The following ANK3 variants were observed in gnomAD, a reference collection of about 807,000 sequenced individuals.
ANK3 encodes the protein ankyrin 3.
ANK3 carries 57 observed loss-of-function variants against 370.9 expected under a neutral mutation model. That is an observed-to-expected ratio of 0.15 (90% CI 0.12 to 0.19). The LOEUF (loss-of-function observed/expected upper bound fraction) is 0.19, where lower values mean the gene tolerates loss of function less well. ANK3 is among the 10% of genes least tolerant of loss of function. The pLI is 1.00. For synonymous variants in ANK3, 1,929 were observed against 1,946.3 expected (o/e 0.99, Z 0.23); for missense variants, 4,439 against 5,302.1 (o/e 0.84, Z 5.06).
intron 2 of ANK3, among the ~76,000 whole-genome samples, chr10:60,583,659 C>T (rs953006169): frequency 6.6e-6 from 1 of 151,940 alleles, no homozygotes; most frequent in Non-Finnish European, 1.5e-5. Context: ...TCTTGGCTCA[C>T]TGCAACCTCC....
At chr10:60,385,805 C>G (rs1360445328) in intron 1 of ANK3, among the ~76,000 whole-genome samples, 5 of 152,038 alleles carry the variant, frequency 3.3e-5, no homozygotes, top group African/African-American at 1.2e-4. Flanking sequence ...ATTAGGTCAC[C>G]TCAAATTTTT....
chr10:60,594,864 C>A (rs540042403), intron 2 of ANK3, among the ~76,000 whole-genome samples: 7 of 152,166 alleles, frequency 4.6e-5, no homozygotes, highest in African/African-American at 1.4e-4. Flanking sequence ...AATGCATGTT[C>A]TCTGGCTTCC....
chr10:60,310,963 CT>C (rs1200566809), intron 1 of ANK3, among the ~76,000 whole-genome samples: 1 of 152,170 alleles, frequency 6.6e-6, no homozygotes, highest in East Asian at 1.9e-4. Context: ...CACTTAATGA[CT>C]CCAGCCTGCA....
chr10:60,474,456 C>T (rs1477663464), intron 2 of ANK3, among the ~76,000 whole-genome samples: 3 of 152,116 alleles, frequency 2.0e-5, no homozygotes, highest in Admixed American at 2.0e-4. Flanking sequence ...CTCCGCCTCT[C>T]TCTGAAAATG....
intron 1 of ANK3, among the ~76,000 whole-genome samples, chr10:60,722,271 C>G (rs2079875080): frequency 6.6e-6 from 1 of 151,792 alleles, no homozygotes; most frequent in Admixed American, 6.6e-5. Context: ...TCTGGCATAC[C>G]TGATGTTTAA....
At chr10:60,612,812 T>C (rs2078218798) in intron 2 of ANK3, among the ~76,000 whole-genome samples, 1 of 152,224 alleles carries the variant, frequency 6.6e-6, no homozygotes, top group African/African-American at 2.4e-5. Flanking sequence ...AGAAATCATT[T>C]CAGCCTGGTA....
chr10:60,253,021 T>G (rs1375119950), intron 7 of ANK3, among the ~76,000 whole-genome samples: 1 of 152,212 alleles, frequency 6.6e-6, no homozygotes, highest in African/African-American at 2.4e-5. Flanking sequence ...GTTCTACCAT[T>G]GGACCCATTA....
intron 5 of ANK3, among the ~76,000 whole-genome samples, chr10:60,267,241 C>T (rs1204674059): frequency 6.6e-6 from 1 of 151,960 alleles, no homozygotes; most frequent in African/African-American, 2.4e-5. Context: ...CTATAAATAA[C>T]ACCAATATTA....
chr10:60,370,955 C>T (rs1383943126), intron 1 of ANK3, among the ~76,000 whole-genome samples: 3 of 152,052 alleles, frequency 2.0e-5, no homozygotes, highest in Non-Finnish European at 2.9e-5. Flanking sequence ...GAAACCAATC[C>T]CTGTGCATTC....
intron 35 of ANK3, 78 bp downstream of exon 35, chr10:60,082,072 G>T: frequency 1.8e-6 from 2 of 1,128,554 alleles, no homozygotes; most frequent in Non-Finnish European, 1.3e-6. Flanking sequence ...CCACACTTTA[G>T]CCCTCTGCAA....
At chr10:60,113,665 G>T (rs544052392) in intron 26 of ANK3, among the ~76,000 whole-genome samples, 1 of 152,268 alleles carries the variant, frequency 6.6e-6, no homozygotes, top group South Asian at 2.1e-4. Flanking sequence ...AGCTAAGACT[G>T]CACCACTGCA....
chr10:60,286,292 G>C (rs963681966), intron 1 of ANK3, among the ~76,000 whole-genome samples: 1 of 152,016 alleles, frequency 6.6e-6, no homozygotes, highest in Non-Finnish European at 1.5e-5. Flanking sequence ...TTATGTAATT[G>C]ACTTAGTCTT....
intron 2 of ANK3, among the ~76,000 whole-genome samples, chr10:60,608,523 T>C (rs535952175): frequency 6.6e-4 from 100 of 152,284 alleles, no homozygotes; most frequent in African/African-American, 2.4e-3. Context: ...ATTTATCATG[T>C]CAAAGCTCCT....
intron 2 of ANK3, among the ~76,000 whole-genome samples, chr10:60,417,303 A>G (rs962851775): frequency 6.6e-6 from 1 of 152,200 alleles, no homozygotes; most frequent in Non-Finnish European, 1.5e-5. Flanking sequence ...AGAAACAGCA[A>G]CTTGACGGGG....
intron 1 of ANK3, chr10:60,684,517 C>G: frequency 6.6e-7 from 1 of 1,517,420 alleles, no homozygotes; most frequent in Non-Finnish European, 8.9e-7. Flanking sequence ...GGGGAATGGA[C>G]TATCAGACCA....
At chr10:60,280,832 C>A (rs2098151055) in intron 1 of ANK3, among the ~76,000 whole-genome samples, 1 of 152,160 alleles carries the variant, frequency 6.6e-6, no homozygotes, top group African/African-American at 2.4e-5. Flanking sequence ...TGAAGCCTGC[C>A]CAGACCCCCC....
At chr10:60,246,505 C>A (rs755405300) in intron 7 of ANK3, among the ~76,000 whole-genome samples, 12 of 152,174 alleles carry the variant, frequency 7.9e-5, no homozygotes, top group African/African-American at 2.9e-4. Context: ...GATACTGATG[C>A]CAATGACATT....
intron 9 of ANK3, among the ~76,000 whole-genome samples, chr10:60,211,892 C>CAAAAAAAAAAAAAAAAAAAAAAAGAA (rs72238553): frequency 1.1e-5 from 1 of 93,400 alleles, no homozygotes; most frequent in Non-Finnish European, 2.0e-5. Flanking sequence ...AATACAGAGC[C>CAAAAAAAAAAAAAAAAAAAAAAAGAA]AAAAAAAAAA....
chr10:60,652,693 T>TAAAAA (rs35856343), intron 1 of ANK3, among the ~76,000 whole-genome samples: 1 of 135,632 alleles, frequency 7.4e-6, no homozygotes. Context: ...AGGCAAAATG[T>TAAAAA]AAAAAAAAAA....
Sources: gnomAD v4.1 joint callset for allele counts (sites outside exome capture counted in the v4.1 genomes callset) on GRCh38, gnomAD v4.1.1 for gene constraint, MANE v1.5 for transcripts, NCBI Gene and HGNC (gene_info 2026-07-23, HGNC 2026-07-21) for gene names.